Variants in TMED3 observed in about 807,000 individuals in gnomAD.
The protein encoded by TMED3 is transmembrane p24 trafficking protein 3, also known as transmembrane emp24 domain-containing protein 3.
Under a neutral mutation model 15.0 loss-of-function variants are expected in TMED3, and 9 were observed. That is an observed-to-expected ratio of 0.60 (90% confidence interval 0.36 to 1.04). The LOEUF (loss-of-function observed/expected upper bound fraction) is 1.04, where lower values mean the gene tolerates loss of function less well. Ranked by LOEUF, TMED3 falls within the 50% of genes least tolerant of loss-of-function variation. The probability of loss-of-function intolerance (pLI) is 0.01; values close to 1 mark genes in which losing one functional copy is unlikely to be tolerated. For missense variants in TMED3, 267 were observed against 278.9 expected, an observed-to-expected ratio of 0.96 and a Z score of 0.30; for synonymous variants, 117 against 121.4, an observed-to-expected ratio of 0.96 and a Z score of 0.24.
chr15:79,336,423 C>T (rs2058826950), intron 2 of TMED3, among the ~76,000 whole-genome samples: 2 of 152,056 alleles, frequency 1.3e-5, no homozygotes, highest in South Asian at 2.1e-4. Flanking sequence ...TTTGGGAGGC[C>T]GAGGTGGGTG....
At chr15:79,329,902 G>T (rs1445080477) in intron 2 of TMED3, among the ~76,000 whole-genome samples, 1 of 152,040 alleles carries the variant, frequency 6.6e-6, no homozygotes, top group East Asian at 1.9e-4. Context: ...ATAATATTTT[G>T]CTGTAACAAG....
chr15:79,348,335 A>G (rs2058878869), intron 2 of TMED3, among the ~76,000 whole-genome samples: 1 of 152,150 alleles, frequency 6.6e-6, no homozygotes, highest in Non-Finnish European at 1.5e-5. Flanking sequence ...AATTCTAGGA[A>G]TTTTTCTTAT....
intron 2 of TMED3, among the ~76,000 whole-genome samples, chr15:79,360,290 C>T (rs999797598): frequency 6.6e-6 from 1 of 152,092 alleles, no homozygotes; most frequent in African/African-American, 2.4e-5. Flanking sequence ...GGGATGGAAT[C>T]TTGAGCCATC....
At chr15:79,409,252 A>G (rs1442098882) in intron 2 of TMED3, among the ~76,000 whole-genome samples, 2 of 152,236 alleles carry the variant, frequency 1.3e-5, no homozygotes, top group African/African-American at 4.8e-5. Context: ...ACTACTTTGG[A>G]ACACTCCTTC....
intron 2 of TMED3, among the ~76,000 whole-genome samples, chr15:79,399,926 A>G (rs758566800): frequency 5.3e-5 from 8 of 152,216 alleles, no homozygotes; most frequent in South Asian, 2.1e-4. Context: ...CTGACAGCCA[A>G]TGACCCTCTC....
intron 2 of TMED3, among the ~76,000 whole-genome samples, chr15:79,337,599 G>C (rs2058831699): frequency 6.6e-6 from 1 of 152,152 alleles, no homozygotes; most frequent in Non-Finnish European, 1.5e-5. Context: ...GTCAAGACTA[G>C]GTGCATTTCG....
At chr15:79,399,603 A>C (rs1283122286) in intron 2 of TMED3, among the ~76,000 whole-genome samples, 3 of 152,172 alleles carry the variant, frequency 2.0e-5, no homozygotes, top group African/African-American at 7.2e-5. Flanking sequence ...CATGCCAGGA[A>C]ATGTGTCCTT....
At chr15:79,383,360 T>G (rs1893570094) in intron 2 of TMED3, 1 of 248,776 alleles carries the variant, frequency 4.0e-6, no homozygotes, top group Non-Finnish European at 7.7e-6. Context: ...CTCTGAAAGT[T>G]TGGAAGGTCC....
chr15:79,383,140 C>T, intron 2 of TMED3: 1 of 951,830 alleles, frequency 1.1e-6, no homozygotes. Flanking sequence ...GTGCACTTCA[C>T]TTCCTGCCTT....
intron 2 of TMED3, 141 bp downstream of exon 2, chr15:79,314,146 T>G: frequency 9.3e-7 from 1 of 1,078,138 alleles, no homozygotes; most frequent in South Asian, 1.6e-5. Flanking sequence ...GTCTCTTTCT[T>G]CATACCTAGT....
chr15:79,353,371 ATAAT>A (rs1319591308), intron 2 of TMED3, among the ~76,000 whole-genome samples: 2 of 120,454 alleles, frequency 1.7e-5, no homozygotes, highest in Non-Finnish European at 1.6e-5. Flanking sequence ...TAAAATATAT[ATAAT>A]ATATATAAAA....
chr15:79,355,256 C>A (rs1176916319), intron 2 of TMED3, among the ~76,000 whole-genome samples: 1 of 152,118 alleles, frequency 6.6e-6, no homozygotes, highest in East Asian at 1.9e-4. Flanking sequence ...CAGTGTGTAT[C>A]CAAAAACAAC....
chr15:79,331,399 A>C (rs2058807591), intron 2 of TMED3, among the ~76,000 whole-genome samples: 1 of 80,362 alleles, frequency 1.2e-5, no homozygotes, highest in South Asian at 4.4e-4. Context: ...CCCAACACAA[A>C]AATCCACTCA....
chr15:79,323,377 TA>T (rs1186786246), downstream of TMED3, among the ~76,000 whole-genome samples: 2 of 152,246 alleles, frequency 1.3e-5, no homozygotes, highest in Non-Finnish European at 2.9e-5. Context: ...ATAATCTCTT[TA>T]AAAGGATACC....
intron 2 of TMED3, among the ~76,000 whole-genome samples, chr15:79,364,333 T>C (rs377604323): frequency 6.6e-6 from 1 of 152,224 alleles, no homozygotes; most frequent in African/African-American, 2.4e-5. Flanking sequence ...GCATAAAATA[T>C]CTGGTGTAAG....
intron 1 of TMED3, among the ~76,000 whole-genome samples, chr15:79,313,161 A>G (rs2058724375): frequency 6.6e-6 from 1 of 152,128 alleles, no homozygotes; most frequent in Non-Finnish European, 1.5e-5. Context: ...GCAGTGCCCT[A>G]AATCAGTGAT....
chr15:79,341,064 T>C (rs1446196268), intron 2 of TMED3, among the ~76,000 whole-genome samples: 1 of 151,902 alleles, frequency 6.6e-6, no homozygotes, highest in African/African-American at 2.4e-5. Context: ...TGTGGTGCTG[T>C]GTACCTGTAG....
chr15:79,396,722 A>G (rs999648910), intron 2 of TMED3, among the ~76,000 whole-genome samples: 1 of 152,238 alleles, frequency 6.6e-6, no homozygotes, highest in Non-Finnish European at 1.5e-5. Context: ...GGCTGTGGTC[A>G]CTGGAAATGT....
intron 2 of TMED3, among the ~76,000 whole-genome samples, chr15:79,317,850 GT>G (rs1235506409): frequency 6.6e-6 from 1 of 152,204 alleles, no homozygotes; most frequent in Non-Finnish European, 1.5e-5. Context: ...CACCTAAGTG[GT>G]TTCCCTGCCT....
Sources: gnomAD v4.1 joint callset for allele counts (sites outside exome capture counted in the v4.1 genomes callset) on GRCh38, gnomAD v4.1.1 for gene constraint, MANE v1.5 for transcripts, NCBI Gene and HGNC (gene_info 2026-07-23, HGNC 2026-07-21) for gene names.